The following GNB3 variants were observed in gnomAD, a reference collection of about 807,000 sequenced individuals.
GNB3 encodes G protein subunit beta 3.
In GNB3, 33 loss-of-function variants were observed where a neutral mutation model predicts 41.2. The ratio of observed to expected loss-of-function variants is 0.80; its 90% CI spans 0.61 to 1.07. The LOEUF is 1.07. GNB3 is among the 50% of genes least tolerant of loss of function. The pLI is 0.00. For synonymous variants in GNB3, 172 were observed against 173.4 expected (o/e 0.99, Z 0.06); for missense variants, 409 against 455.3 (o/e 0.90, Z 0.92).
chr12:6,845,895 G>C, intron 9 of GNB3, 93 bp downstream of exon 9: 2 of 865,036 alleles, frequency 2.3e-6, no homozygotes, highest in Non-Finnish European at 1.9e-6. Context: ...CTCCCATTTC[G>C]GACTCTCTTA....
chr12:6,846,194 G>A, intron 9 of GNB3: 1 of 229,492 alleles, frequency 4.4e-6, no homozygotes, highest in South Asian at 7.4e-5. Context: ...GCAGCCTAGG[G>A]CTCATCTAAG....
In GNB3 at chr12:6,843,952, C is replaced by T; in HGVS notation, c.673C>T (p.His225Tyr). ...GACCTGCCGTCAGACTTTCACTGGC[C>T]ACGAGTCGGACATCAACGCCATCTG... ...EGTCRQTFTG[H>Y]ESDINAICFF... The change falls in exon 8 of 10, where the codon CAC becomes TAC. Residue 225 changes from histidine (H) to tyrosine (Y), a missense_variant. Physicochemically the swap from His to Tyr is moderately conservative, Grantham distance 83. Coordinates refer to ENST00000229264, the MANE Select transcript of GNB3 (RefSeq NM_002075.4). This position sits in a 1 kb window ranked among gnomAD's most constrained non-coding sequence, Gnocchi z 5.9. The T allele has an allele frequency of 1.9e-6, 3 of 1,613,238 alleles. No homozygotes were observed. The highest frequency in any genetic ancestry group is 3.3e-5 in the Admixed American group (2 of 59,984).
intron 8 of GNB3, 115 bp downstream of exon 8, chr12:6,844,093 A>ATTTTTT (rs34871066): frequency 1.9e-5 from 5 of 258,162 alleles, no homozygotes; most frequent in East Asian, 6.9e-5. Flanking sequence ...TTCTTACTGT[A>ATTTTTT]TTTTTTTTTT....
intron 9 of GNB3, 119 bp from the exon 10 acceptor site, chr12:6,846,673 C>T (rs1184986929): frequency 1.3e-5 from 8 of 630,418 alleles, no homozygotes; most frequent in African/African-American, 2.0e-5. Context: ...ACACATATCC[C>T]CCCACACACC....
At position 6,846,837 on chromosome 12, in the gene GNB3, C is replaced by T; in HGVS notation, c.962C>T (p.Thr321Ile). 1 of 1,602,768 alleles carries T rather than the reference C, an allele frequency of 6.2e-7. No individual in the cohort carries two copies. Among genetic ancestry groups the T allele is most frequent in the Non-Finnish European group, 8.5e-7 (1 of 1,174,602 alleles). Reference sequence around the variant, plus strand: ...AACAGGGTGAGCTGCCTGGGAGTCACAGCTGACGGGATGGCTGTGGCCACA... The same window carrying T: ...AACAGGGTGAGCTGCCTGGGAGTCATAGCTGACGGGATGGCTGTGGCCACA... ...HDNRVSCLGVTADGMAVATGS... is the reference protein window; with the variant it reads ...HDNRVSCLGVIADGMAVATGS... Residue 321 changes from threonine (T) to isoleucine (I), a missense_variant, in exon 10 of 10, where the codon ACA (threonine) becomes ATA (isoleucine). By Grantham distance (89) the Thr-to-Ile change is moderately conservative (BLOSUM62 -1). Coordinates refer to ENST00000229264, the MANE Select transcript of GNB3 (RefSeq NM_002075.4).
rs782088624 is a variant in GNB3, at chr12:6,843,906, G to A, written c.627G>A (p.Lys209=). The change falls in exon 8 of 10, where the codon AAG becomes AAA. Residue 209 remains lysine, a synonymous_variant. Coordinates refer to ENST00000229264, the MANE Select transcript of GNB3 (RefSeq NM_002075.4). This position sits in a 1 kb window ranked among gnomAD's most constrained non-coding sequence, Gnocchi z 5.9. ...CGGGGGCCTGTGATGCCAGTGCCAA[G>A]CTCTGGGATGTGCGAGAGGGGACCT... is the stretch of plus-strand genomic sequence containing the variant. The part of the protein sequence containing the change: ...FISGACDASA[K]LWDVREGTCR... The A allele has an allele frequency of 2.5e-6, 4 of 1,614,060 alleles. No homozygotes were observed. Among genetic ancestry groups the A allele is most frequent in the Non-Finnish European group, 2.5e-6 (3 of 1,180,012 alleles).
Position 6,843,722 on chromosome 12 carries a change from T to G in GNB3, c.497+24T>G. On this transcript the variant is annotated intron_variant, in intron 7 of 9. Coordinates refer to ENST00000229264, the MANE Select transcript of GNB3 (RefSeq NM_002075.4). This position sits in a 1 kb window ranked among gnomAD's most constrained non-coding sequence, Gnocchi z 5.9. ...TGGTGAGGCTGAACATTGCTGGTGCTGGGGCTTGGGAGTGGGCCCGGCCTT... is the reference window on the plus strand; with the variant it reads ...TGGTGAGGCTGAACATTGCTGGTGCGGGGGCTTGGGAGTGGGCCCGGCCTT... The G allele has an allele frequency of 6.2e-7, 1 of 1,613,088 alleles. No homozygotes were observed. Among genetic ancestry groups the G allele is most frequent in the Non-Finnish European group, 8.5e-7 (1 of 1,179,002 alleles).
chr12:6,845,454 C>T, intron 8 of GNB3, 132 bp from the exon 9 acceptor site: 1 of 652,746 alleles, frequency 1.5e-6, no homozygotes, highest in Admixed American at 2.4e-5. Context: ...TCACCCCAAA[C>T]CAAGGGAGGG....
Position 6,846,941 on chromosome 12 carries a change from G to A in GNB3, c.*43G>A, listed in dbSNP as rs782545608. 1 of 1,092,326 alleles carries A rather than the reference G, an allele frequency of 9.2e-7. No individual in the cohort carries two copies. Among genetic ancestry groups the A allele is most frequent in the Non-Finnish European group, 1.4e-6 (1 of 728,108 alleles). 67.7% of individuals were successfully genotyped at this position (1,092,326 alleles called of 1,614,324 possible). On this transcript the variant is annotated 3_prime_UTR_variant, in exon 10 of 10. Coordinates refer to ENST00000229264, the MANE Select transcript of GNB3 (RefSeq NM_002075.4). Reference sequence around the variant, plus strand: ...AAGTGGAAGGCAGTGAACACACTCAGCAGCCCCCTGCCCGACCCCATCTCA... The same window carrying A: ...AAGTGGAAGGCAGTGAACACACTCAACAGCCCCCTGCCCGACCCCATCTCA...
In GNB3 at chr12:6,841,397, G is replaced by A. The variant is rs1591586392; in HGVS notation, c.57+53G>A. ...CCCAGAAAACAGCTGGGGACATGAGGAGCGTGGCCCAGGGGGAGGGGGCTG... is the reference window on the plus strand; with the variant it reads ...CCCAGAAAACAGCTGGGGACATGAGAAGCGTGGCCCAGGGGGAGGGGGCTG... On this transcript the variant is annotated intron_variant, in intron 2 of 9. Coordinates refer to ENST00000229264, the MANE Select transcript of GNB3 (RefSeq NM_002075.4). 6.6e-6 allele frequency: 10 copies of A among 1,506,956 alleles called. No homozygotes were observed. In the East Asian group the frequency reaches 1.4e-4, roughly 21 times the overall value. 93.3% of individuals were successfully genotyped at this position (1,506,956 alleles called of 1,614,324 possible).
rs1023890893 is a variant in GNB3, at chr12:6,846,839, G to A, written c.964G>A (p.Ala322Thr). The change falls in exon 10 of 10, where the codon GCT (alanine) becomes ACT (threonine). Residue 322 changes from alanine to threonine, a missense_variant. Transcript: ENST00000229264. ...CAGGGTGAGCTGCCTGGGAGTCACAGCTGACGGGATGGCTGTGGCCACAGG... is the reference window on the plus strand; with the variant it reads ...CAGGGTGAGCTGCCTGGGAGTCACAACTGACGGGATGGCTGTGGCCACAGG... ...DNRVSCLGVT[A>T]DGMAVATGSW... The A allele has an allele frequency of 6.2e-7, 1 of 1,602,836 alleles. No homozygotes were observed. The highest frequency in any genetic ancestry group is 1.1e-5 in the South Asian group (1 of 88,620).
chr12:6,843,689 A>C lies in GNB3; in HGVS notation c.488A>C (p.Asp163Ala). ...AACAATATTGTGACCAGCTCGGGGG[A>C]CACCACGTGGTGAGGCTGAACATTG... is the stretch of plus-strand genomic sequence containing the variant. ...DDNNIVTSSG[D>A]TTCALWDIET... Residue 163 changes from aspartate to alanine, a missense_variant, in exon 7 of 10, where the codon GAC (aspartate) becomes GCC (alanine). Coordinates refer to ENST00000229264, the MANE Select transcript of GNB3 (RefSeq NM_002075.4). The surrounding 1 kb of genome is among the most constrained non-coding windows in gnomAD (Gnocchi z 5.9). 1 of 1,613,856 alleles carries C rather than the reference A, an allele frequency of 6.2e-7. No individual in the cohort carries two copies. Among genetic ancestry groups the C allele is most frequent in the Non-Finnish European group, 8.5e-7 (1 of 1,179,856 alleles).
chr12:6,845,977 T>A, intron 9 of GNB3, 175 bp downstream of exon 9: 1 of 606,124 alleles, frequency 1.6e-6, no homozygotes, highest in Non-Finnish European at 3.0e-6. Flanking sequence ...TAGGACTGTT[T>A]TCCCTCAGTG....
At chr12:6,845,875 C>A (rs1369942425) in intron 9 of GNB3, 73 bp downstream of exon 9, 9 of 1,027,938 alleles carry the variant, frequency 8.8e-6, no homozygotes, top group Middle Eastern at 2.2e-4. Context: ...CATTCTGTAC[C>A]CCCCATCAGC....
At position 6,843,941 on chromosome 12, in the gene GNB3, C is replaced by T. The variant is rs1244692223; in HGVS notation, c.662C>T (p.Thr221Ile). ...GTGCGAGAGGGGACCTGCCGTCAGACTTTCACTGGCCACGAGTCGGACATC... is the reference window on the plus strand; with the variant it reads ...GTGCGAGAGGGGACCTGCCGTCAGATTTTCACTGGCCACGAGTCGGACATC... The part of the protein sequence containing the change: ...WDVREGTCRQ[T>I]FTGHESDINA... The change falls in exon 8 of 10, where the codon ACT (threonine) becomes ATT (isoleucine). Residue 221 changes from threonine to isoleucine, a missense_variant. By Grantham distance (89) the Thr-to-Ile change is moderately conservative (BLOSUM62 -1). Transcript: ENST00000229264. The surrounding 1 kb of genome is among the most constrained non-coding windows in gnomAD (Gnocchi z 5.9). 8.7e-6 allele frequency: 14 copies of T among 1,613,652 alleles called. No homozygotes were observed. The highest frequency in any genetic ancestry group is 3.3e-4 in the Middle Eastern group (2 of 6,080).
At position 6,843,334 on chromosome 12, in the gene GNB3, C is replaced by T. The variant is rs781902996; in HGVS notation, c.268-29C>T. 5 of 1,613,206 alleles carry T rather than the reference C, an allele frequency of 3.1e-6. No homozygotes were observed. Among genetic ancestry groups the T allele is most frequent in the Non-Finnish European group, 4.2e-6 (5 of 1,179,184 alleles). ...CCAGCTGGGAGCTTGGCTCCGGTCC[C>T]ATCTCTGCTCAAACCACCCTCCCTG... is the stretch of plus-strand genomic sequence containing the variant. On this transcript the variant is annotated intron_variant, in intron 5 of 9. Transcript: ENST00000229264. The surrounding 1 kb of genome is among the most constrained non-coding windows in gnomAD (Gnocchi z 5.9).
At chr12:6,844,483 T>C (rs1943643970) in intron 8 of GNB3, among the ~76,000 whole-genome samples, 1 of 151,994 alleles carries the variant, frequency 6.6e-6, no homozygotes, top group Non-Finnish European at 1.5e-5. Flanking sequence ...GCAGTGGTGC[T>C]ATCATAGCTC....
At chr12:6,845,448 C>A in intron 8 of GNB3, 138 bp from the exon 9 acceptor site, 1 of 644,108 alleles carries the variant, frequency 1.6e-6, no homozygotes, top group Non-Finnish European at 2.8e-6. Context: ...TGCTTCTCAC[C>A]CCAAACCAAG....
chr12:6,845,386 G>A (rs1201036407), intron 8 of GNB3, 200 bp from the exon 9 acceptor site: 2 of 591,348 alleles, frequency 3.4e-6, no homozygotes, highest in African/African-American at 3.7e-5. Context: ...ATAGTGCAGA[G>A]CGGGCGAGGG....
Sources: gnomAD v4.1 joint callset for allele counts (sites outside exome capture counted in the v4.1 genomes callset) on GRCh38, gnomAD v4.1.1 for gene constraint, Gnocchi (gnomAD v3.1) non-coding constraint, MANE v1.5 for transcripts, NCBI Gene and HGNC (gene_info 2026-07-23, HGNC 2026-07-21) for gene names.